Variants in KLHDC4 observed in about 807,000 individuals in gnomAD.
KLHDC4 encodes the protein kelch domain containing 4, also known as kelch domain-containing protein 4.
KLHDC4 carries 90 observed loss-of-function variants against 62.4 expected under a neutral mutation model. The ratio of observed to expected loss-of-function variants is 1.44; its 90% confidence interval spans 1.22 to 1.72. The LOEUF (loss-of-function observed/expected upper bound fraction) is 1.72. Among genes scored for constraint, KLHDC4 ranks in the 40% most tolerant of loss-of-function variants. KLHDC4 has a pLI of 0.00. For synonymous variants in KLHDC4, 386 were observed against 284.4 expected (o/e 1.36, Z -3.59); for missense variants, 1,025 against 699.7 (o/e 1.47, Z -5.25).
At position 87,702,303 on chromosome 16, in the gene KLHDC4, C is replaced by T. The variant is rs146231589; in HGVS notation, c.212G>A (p.Arg71Gln). ...TGTTTGGCAAGGAGGGCCGGTCTGCCGGGGGCTCCCAGGCCCTGGGGTCAG... is the reference window on the plus strand; with the variant it reads ...TGTTTGGCAAGGAGGGCCGGTCTGCTGGGGGCTCCCAGGCCCTGGGGTCAG... Residue 71 changes from arginine to glutamine, a missense_variant, in exon 1 of 1, where the codon CGG becomes CAG. Arg to Gln is a conservative substitution (Grantham distance 43). Transcript: ENST00000446344. The T allele has an allele frequency of 1.8e-3, 812 of 456,230 alleles. 2 individuals carry two copies. The highest frequency in any genetic ancestry group is 0.015 in the African/African-American group (753 of 50,214). The allele number at this position is 456,230 out of a possible 1,614,324, so 28.3% of individuals were successfully genotyped here. A position where few individuals can be genotyped will look rare whatever the true frequency, so the allele number is the denominator to read the frequency against.
At chr16:87,739,546 C>G (rs1431091850) in intron 5 of KLHDC4, among the ~76,000 whole-genome samples, 1 of 148,550 alleles carries the variant, frequency 6.7e-6, no homozygotes, top group Admixed American at 6.7e-5. Context: ...ATCCACACAC[C>G]AGCACCTCAT....
At chr16:87,762,249 G>C (rs2045997423) in intron 1 of KLHDC4, 2 of 991,168 alleles carry the variant, frequency 2.0e-6, no homozygotes, top group Non-Finnish European at 2.8e-6. Context: ...TTAAAGGGTA[G>C]ATGTGTGCAC....
intron 5 of KLHDC4, among the ~76,000 whole-genome samples, chr16:87,731,916 C>T (rs887185569): frequency 6.6e-6 from 1 of 152,106 alleles, no homozygotes. Flanking sequence ...TTAAAAACAT[C>T]TCGCTGAAGG....
intron 5 of KLHDC4, among the ~76,000 whole-genome samples, chr16:87,735,822 G>T (rs1212103326): frequency 6.6e-6 from 1 of 152,234 alleles, no homozygotes; most frequent in Admixed American, 6.5e-5. Flanking sequence ...AGGCTCAGCA[G>T]CTGCGTGCAG....
intron 5 of KLHDC4, among the ~76,000 whole-genome samples, chr16:87,733,693 GCCT>G (rs1301682793): frequency 7.2e-5 from 7 of 96,566 alleles, no homozygotes; most frequent in African/African-American, 2.7e-4. Context: ...GACCTGCCTC[GCCT>G]CCTACTTAGG....
At position 87,744,582 on chromosome 16, in the gene KLHDC4, G is replaced by GA. The variant is rs1156452641; in HGVS notation, c.506+4090dup. ...TGGGCAACAGAGCTAGACTGTCTCA[G>GA]AAAAAAAAAAAAAATAGAATTTGAA... On this transcript the variant is annotated intron_variant, in intron 5 of 11. Transcript: ENST00000270583. Among the ~76,000 whole-genome samples, 310 of 73,484 alleles carry GA rather than the reference G, an allele frequency of 4.2e-3. 2 individuals carry two copies. The highest frequency in any genetic ancestry group is 8.3e-3 in the East Asian group (22 of 2,640). 48.2% of individuals were successfully genotyped at this position (73,484 alleles called of 152,430 possible).
chr16:87,738,092 A>T (rs2041649144), intron 5 of KLHDC4, among the ~76,000 whole-genome samples: 1 of 152,092 alleles, frequency 6.6e-6, no homozygotes, highest in Non-Finnish European at 1.5e-5. Flanking sequence ...CATGCAACCC[A>T]ACCCACCACC....
chr16:87,755,734 T>A (rs1037775828), intron 3 of KLHDC4: 2 of 180,168 alleles, frequency 1.1e-5, no homozygotes, highest in African/African-American at 4.8e-5. Flanking sequence ...CCCGCTAATT[T>A]TTGTATCGTT....
exon 1 of KLHDC4, chr16:87,700,657 G>A (rs879182917): frequency 4.3e-6 from 1 of 233,852 alleles, no homozygotes; most frequent in South Asian, 4.1e-5. Context: ...GCAGAGGGAG[G>A]AGGGCAGAGG....
chr16:87,729,492 G>C (rs950036906), intron 6 of KLHDC4: 1 of 152,276 alleles, frequency 6.6e-6, no homozygotes, highest in East Asian at 1.9e-4. Flanking sequence ...CAGAGTCTGC[G>C]ACACTTCACT....
At chr16:87,711,161 G>C (rs1024353204) in intron 9 of KLHDC4, 74 bp downstream of exon 9, 4 of 1,516,508 alleles carry the variant, frequency 2.6e-6, no homozygotes, top group Admixed American at 3.4e-5. Context: ...AAAGGTGCTG[G>C]AGGAAGGCAG....
At chr16:87,740,241 C>T (rs1451640570) in intron 5 of KLHDC4, among the ~76,000 whole-genome samples, 3 of 152,232 alleles carry the variant, frequency 2.0e-5, no homozygotes, top group African/African-American at 7.2e-5. Flanking sequence ...GGCAGGCCCA[C>T]CGTGACTGAG....
At chr16:87,734,919 C>T (rs1463970282) in intron 5 of KLHDC4, among the ~76,000 whole-genome samples, 1 of 151,296 alleles carries the variant, frequency 6.6e-6, no homozygotes, top group Admixed American at 6.6e-5. Flanking sequence ...GCCCCTCCCC[C>T]TCCTGGCAAA....
intron 7 of KLHDC4, among the ~76,000 whole-genome samples, chr16:87,715,376 C>T (rs1224484020): frequency 1.3e-5 from 2 of 152,168 alleles, no homozygotes; most frequent in Non-Finnish European, 2.9e-5. Flanking sequence ...CCTTCCTCTC[C>T]TTGGCGCCCT....
At chr16:87,703,971 C>T (rs1049508989), downstream of KLHDC4, among the ~76,000 whole-genome samples, 3 of 152,266 alleles carry the variant, frequency 2.0e-5, no homozygotes, top group East Asian at 1.9e-4. Flanking sequence ...AACACTCTTA[C>T]ACTGCCCAGG....
chr16:87,745,213 C>T (rs1306118906), intron 5 of KLHDC4, among the ~76,000 whole-genome samples: 2 of 152,246 alleles, frequency 1.3e-5, no homozygotes, highest in Non-Finnish European at 2.9e-5. Context: ...ACCCATATTG[C>T]CCAGCACTGC....
intron 5 of KLHDC4, among the ~76,000 whole-genome samples, chr16:87,745,684 T>C (rs984525828): frequency 2.2e-4 from 33 of 152,186 alleles, no homozygotes; most frequent in African/African-American, 7.5e-4. Context: ...CAAGACGACA[T>C]TGGGGCAGGG....
At chr16:87,736,560 G>C (rs1567751184) in intron 5 of KLHDC4, among the ~76,000 whole-genome samples, 1 of 152,108 alleles carries the variant, frequency 6.6e-6, no homozygotes, top group South Asian at 2.1e-4. Flanking sequence ...ACATGCCTTG[G>C]AAACTTCGCC....
chr16:87,712,657 G>A (rs1161978318), intron 8 of KLHDC4, among the ~76,000 whole-genome samples: 2 of 152,266 alleles, frequency 1.3e-5, no homozygotes, highest in African/African-American at 4.8e-5. Context: ...GTAAGGCAGG[G>A]CCCTGGGAGA....
Sources: gnomAD v4.1 joint callset for allele counts (sites outside exome capture counted in the v4.1 genomes callset) on GRCh38, gnomAD v4.1.1 for gene constraint, MANE v1.5 for transcripts, NCBI Gene and HGNC (gene_info 2026-07-23, HGNC 2026-07-21) for gene names.